MAGI1: variants seen among roughly 807,000 people sequenced by gnomAD.
The protein encoded by MAGI1 is membrane-associated guanylate kinase, WW and PDZ domain-containing protein 1.
MAGI1 carries 58 observed loss-of-function variants against 139.9 expected under a neutral mutation model. That is an observed-to-expected ratio of 0.41 (90% confidence interval 0.34 to 0.52). MAGI1 has a LOEUF of 0.52. MAGI1 is among the 20% of genes least tolerant of loss of function. MAGI1 has a pLI of 0.12. For synonymous variants in MAGI1, 812 were observed against 737.9 expected, an observed-to-expected ratio of 1.10 and a Z score of -1.63; for missense variants, 1,874 against 1,901.6, an observed-to-expected ratio of 0.99 and a Z score of 0.27.
chr3:65,736,121 C>T (rs574230161), intron 1 of MAGI1, among the ~76,000 whole-genome samples: 1 of 152,174 alleles, frequency 6.6e-6, no homozygotes, highest in Admixed American at 6.5e-5. Context: ...TTCAGAGAGC[C>T]GAAGGTTCAT....
At chr3:65,488,749 C>A (rs1951790976) in intron 3 of MAGI1, among the ~76,000 whole-genome samples, 1 of 152,084 alleles carries the variant, frequency 6.6e-6, no homozygotes, top group Non-Finnish European at 1.5e-5. Flanking sequence ...TGGCTCACTG[C>A]AGCCTCGAAC....
intron 1 of MAGI1, among the ~76,000 whole-genome samples, chr3:65,812,689 AG>A (rs899933705): frequency 1.4e-5 from 2 of 145,500 alleles, no homozygotes; most frequent in African/African-American, 5.1e-5. Context: ...GACTGGTTAA[AG>A]TTAGTTTACT....
intron 1 of MAGI1, among the ~76,000 whole-genome samples, chr3:65,625,053 A>G (rs2107096759): frequency 6.6e-6 from 1 of 152,224 alleles, no homozygotes; most frequent in South Asian, 2.1e-4. Context: ...TCATATTTAT[A>G]GTAGAGATGG....
chr3:65,748,471 C>A (rs1292925683), intron 1 of MAGI1, among the ~76,000 whole-genome samples: 3 of 152,100 alleles, frequency 2.0e-5, no homozygotes, highest in Non-Finnish European at 4.4e-5. Context: ...TGAGCAGGAA[C>A]CCCCAGAGAG....
At chr3:65,655,623 C>A (rs1428663948) in intron 1 of MAGI1, among the ~76,000 whole-genome samples, 1 of 152,166 alleles carries the variant, frequency 6.6e-6, no homozygotes, top group African/African-American at 2.4e-5. Context: ...GTGCTAAGTG[C>A]TCGCATACAT....
intron 2 of MAGI1, among the ~76,000 whole-genome samples, chr3:65,526,487 T>C (rs1329516513): frequency 6.6e-6 from 1 of 152,206 alleles, no homozygotes; most frequent in African/African-American, 2.4e-5. Flanking sequence ...TGCATGCAAA[T>C]TAGTTTATAT....
At chr3:65,360,084 C>T in intron 22 of MAGI1, 2 of 985,332 alleles carry the variant, frequency 2.0e-6, no homozygotes, top group South Asian at 9.4e-5. Context: ...TCGTATTTTG[C>T]ACCTGTACAA....
In MAGI1 at chr3:65,622,023, G is replaced by C; in HGVS notation, c.379C>G (p.His127Asp). 2 of 1,614,016 alleles carry C rather than the reference G, an allele frequency of 1.2e-6. No homozygotes were observed. Among genetic ancestry groups the C allele is most frequent in the Non-Finnish European group, 1.7e-6 (2 of 1,179,960 alleles). ...NQRFQKGSPD[H>D]ELQQTIRDNL... ...TCCCTTATGGTCTGCTGGAGCTCAT[G>C]ATCAGGAGACCCCTTCTGGAATCGC... The change falls in exon 2 of 23, where the codon CAT becomes GAT. Residue 127 changes from histidine (H) to aspartate (D), a missense_variant. Transcript: ENST00000402939.
intron 1 of MAGI1, among the ~76,000 whole-genome samples, chr3:65,900,550 TATAA>T (rs546343455): frequency 1.2e-3 from 188 of 152,274 alleles, no homozygotes; most frequent in African/African-American, 4.5e-3. Flanking sequence ...ACACCACACA[TATAA>T]ATACTCACCA....
intron 2 of MAGI1, among the ~76,000 whole-genome samples, chr3:65,506,922 T>C (rs1205428235): frequency 1.3e-5 from 2 of 152,180 alleles, no homozygotes; most frequent in Non-Finnish European, 2.9e-5. Flanking sequence ...AATACATTCG[T>C]TCTCAGTTGA....
rs140621069 is a variant in MAGI1, at chr3:65,374,564, C to T, written c.3196+1181G>A. ...AACTCCTGACCTCAGGTGATCCACC[C>T]GCTTTGGCCTGCCAAAGTGCTGGGA... On this transcript the variant is annotated intron_variant, in intron 18 of 22. Coordinates refer to ENST00000402939, the MANE Select transcript of MAGI1 (RefSeq NM_001033057.2). Among the ~76,000 whole-genome samples the T allele has an allele frequency of 6.5e-3, 991 of 152,208 alleles. 13 individuals carry two copies. Among genetic ancestry groups the T allele is most frequent in the African/African-American group, 0.02 (832 of 41,546 alleles).
At chr3:65,719,205 C>T (rs1246920580) in intron 1 of MAGI1, among the ~76,000 whole-genome samples, 2 of 151,772 alleles carry the variant, frequency 1.3e-5, no homozygotes, top group Admixed American at 1.3e-4. Flanking sequence ...GTAACCAAGA[C>T]ACTGCTATAG....
In MAGI1 at chr3:65,783,858, C is replaced by T. The variant is rs185831838; in HGVS notation, c.314-161770G>A. Among the ~76,000 whole-genome samples the T allele has an allele frequency of 2.0e-3, 301 of 151,920 alleles. 2 individuals carry two copies. The highest frequency in any genetic ancestry group is 7.1e-3 in the African/African-American group (293 of 41,456). On this transcript the variant is annotated intron_variant, in intron 1 of 22. Transcript: ENST00000402939. ...AAAGTGCAGGCCAGGTGTGGTGGCC[C>T]TTGCCTGTAATCCCAGCACTTTGGG...
intron 1 of MAGI1, among the ~76,000 whole-genome samples, chr3:65,721,820 ATGTTT>A (rs570831249): frequency 6.7e-6 from 1 of 148,890 alleles, no homozygotes; most frequent in Non-Finnish European, 1.5e-5. Flanking sequence ...TTCTGTTTGT[ATGTTT>A]TGTTTTGTTT....
intron 2 of MAGI1, among the ~76,000 whole-genome samples, chr3:65,527,309 G>C (rs2078431356): frequency 6.6e-6 from 1 of 152,232 alleles, no homozygotes; most frequent in African/African-American, 2.4e-5. Flanking sequence ...GCTGGGTACG[G>C]TGGCTCATGC....
At chr3:65,948,547 G>A (rs909847738) in intron 1 of MAGI1, among the ~76,000 whole-genome samples, 2 of 152,134 alleles carry the variant, frequency 1.3e-5, no homozygotes, top group South Asian at 4.1e-4. Context: ...TACAGTTTGA[G>A]TTAGGCCCAG....
intron 2 of MAGI1, among the ~76,000 whole-genome samples, chr3:65,598,393 G>A (rs62244969): frequency 1.4e-3 from 206 of 152,150 alleles, no homozygotes; most frequent in Non-Finnish European, 2.5e-3. Flanking sequence ...GCGAGGGAAG[G>A]GGCGTGACTC....
In MAGI1 at chr3:65,840,502, G is replaced by A. The variant is rs560912201; in HGVS notation, c.313+197494C>T. ...TTACATTTTATCAAATAATTTTTCT[G>A]CATCAATTGATATAATCATGTGATT... On this transcript the variant is annotated intron_variant, in intron 1 of 22. Coordinates refer to ENST00000402939, the MANE Select transcript of MAGI1 (RefSeq NM_001033057.2). Among the ~76,000 whole-genome samples the A allele has an allele frequency of 5.3e-5, 8 of 152,258 alleles. No homozygotes were observed. In the South Asian group the frequency reaches 1.7e-3, roughly 32 times the overall value.
At chr3:65,498,382 C>A (rs763996592) in intron 2 of MAGI1, among the ~76,000 whole-genome samples, 2 of 151,734 alleles carry the variant, frequency 1.3e-5, no homozygotes, top group Non-Finnish European at 2.9e-5. Flanking sequence ...CCAACGATAT[C>A]TTGCAGTTAT....
Sources: gnomAD v4.1 joint callset for allele counts (sites outside exome capture counted in the v4.1 genomes callset) on GRCh38, gnomAD v4.1.1 for gene constraint, MANE v1.5 for transcripts, NCBI Gene and HGNC (gene_info 2026-07-23, HGNC 2026-07-21) for gene names.